The following ST18 variants were observed in gnomAD, a reference collection of about 807,000 sequenced individuals.
ST18 encodes the protein suppression of tumorigenicity 18 protein.
In ST18, 50 loss-of-function variants were observed where a neutral mutation model predicts 110.0. The observed-to-expected ratio is 0.45, with a 90% CI of 0.36 to 0.58. The LOEUF is 0.58. ST18 is among the 20% of genes least tolerant of loss of function. The pLI is 0.00. For synonymous variants in ST18, 461 were observed against 452.4 expected, an observed-to-expected ratio of 1.02 and a Z score of -0.24; for missense variants, 1,306 against 1,280.1, an observed-to-expected ratio of 1.02 and a Z score of -0.31.
Position 52,269,351 on chromosome 8 carries a change from C to A in ST18, c.-464-39274G>T, listed in dbSNP as rs1394754606. The stretch of plus-strand genomic sequence containing the variant: ...GACAGGTGTAACCGGATGCCCCATT[C>A]CAAGGGGTAAGACTAATGTAGTTCT... On this transcript the variant is annotated intron_variant, in intron 2 of 25. Transcript: ENST00000689386. Among the ~76,000 whole-genome samples, 6 of 152,292 alleles carry A rather than the reference C, an allele frequency of 3.9e-5. No individual in the cohort carries two copies. In the South Asian group the frequency reaches 1.2e-3, roughly 32 times the overall value.
chr8:52,120,826 G>T (rs987691649), intron 23 of ST18, among the ~76,000 whole-genome samples: 4 of 152,186 alleles, frequency 2.6e-5, no homozygotes, highest in African/African-American at 9.7e-5. Context: ...TGGAGTCCTG[G>T]CTGGGTGTAG....
rs60332637 is a variant in ST18 at position 52,385,597 on chromosome 8, CAA to C, written c.-465+23729_-465+23730del. Among the ~76,000 whole-genome samples, 1,091 of 116,716 alleles carry C rather than the reference CAA, an allele frequency of 9.3e-3. 8 individuals carry two copies. Among genetic ancestry groups the C allele is most frequent in the African/African-American group, 0.026 (834 of 31,508 alleles). The allele number at this position is 116,716 out of a possible 152,430, so 76.6% of individuals were successfully genotyped here. A position where few individuals can be genotyped will look rare whatever the true frequency, so the allele number is the denominator to read the frequency against. On this transcript the variant is annotated intron_variant, in intron 2 of 25. Transcript: ENST00000689386. The stretch of plus-strand genomic sequence containing the variant: ...CCTGGGCGACAGCAAGACTCCGACT[CAA>C]AAAAAAAAAAAAAAAGACATCACAG...
intron 2 of ST18, among the ~76,000 whole-genome samples, chr8:52,262,338 C>A (rs1362082617): frequency 6.6e-6 from 1 of 152,186 alleles, no homozygotes; most frequent in Non-Finnish European, 1.5e-5. Flanking sequence ...CACTGACACG[C>A]CTTTGAAGTT....
chr8:52,262,442 T>C (rs1229183729), intron 2 of ST18, among the ~76,000 whole-genome samples: 1 of 152,180 alleles, frequency 6.6e-6, no homozygotes, highest in Non-Finnish European at 1.5e-5. Flanking sequence ...CTGTAAGCTT[T>C]ATTCCCTTCT....
intron 8 of ST18, among the ~76,000 whole-genome samples, chr8:52,193,954 C>T (rs889598749): frequency 5.3e-5 from 8 of 152,182 alleles, no homozygotes; most frequent in African/African-American, 9.7e-5. Flanking sequence ...TAAGTTGTTG[C>T]TATTTATTGA....
chr8:52,161,219 G>A (rs186395495), intron 14 of ST18, among the ~76,000 whole-genome samples, 156 bp downstream of exon 14: 232 of 152,026 alleles, frequency 1.5e-3, no homozygotes, highest in Non-Finnish European at 2.7e-3. Flanking sequence ...ACTTATTATC[G>A]TTTTCTTTAT....
intron 19 of ST18, among the ~76,000 whole-genome samples, chr8:52,133,524 T>C (rs577225508): frequency 1.3e-5 from 2 of 152,028 alleles, no homozygotes; most frequent in Non-Finnish European, 2.9e-5. Context: ...TGGTTAATAA[T>C]CAATTTAAAT....
rs948090151 is a variant in ST18, at chr8:52,149,639, C to T, written c.2052+93G>A. 4 of 1,475,124 alleles carry T rather than the reference C, an allele frequency of 2.7e-6. No individual in the cohort carries two copies. The African/African-American group carries it at 5.6e-5, about 21-fold the overall frequency. 91.4% of individuals were successfully genotyped at this position (1,475,124 alleles called of 1,614,324 possible). On this transcript the variant is annotated intron_variant, in intron 16 of 25. Transcript: ENST00000689386. ...GGTACAGAATTATGTATTATCTAAA[C>T]AGGAATGTGAAATATAATTTAGGAG...
intron 23 of ST18, among the ~76,000 whole-genome samples, chr8:52,118,681 G>C (rs1014697026): frequency 6.6e-6 from 1 of 152,136 alleles, no homozygotes; most frequent in East Asian, 1.9e-4. Flanking sequence ...TTATGTCCCA[G>C]GGGTGCTGCC....
chr8:52,269,119 C>T (rs1016108131), intron 2 of ST18, among the ~76,000 whole-genome samples: 4 of 152,194 alleles, frequency 2.6e-5, no homozygotes, highest in African/African-American at 9.6e-5. Flanking sequence ...AACACTATCA[C>T]TAGATATTAC....
chr8:52,126,598 A>G (rs2047163173), intron 22 of ST18, among the ~76,000 whole-genome samples: 1 of 152,250 alleles, frequency 6.6e-6, no homozygotes, highest in Non-Finnish European at 1.5e-5. Context: ...CCTTTATAGA[A>G]TGACTCAAAT....
chr8:52,231,293 C>T (rs2091277711), intron 2 of ST18, among the ~76,000 whole-genome samples: 1 of 152,172 alleles, frequency 6.6e-6, no homozygotes, highest in Non-Finnish European at 1.5e-5. Flanking sequence ...AGCATCTCTT[C>T]CCTCCTTTTA....
intron 8 of ST18, among the ~76,000 whole-genome samples, chr8:52,211,293 T>C (rs2082063334): frequency 1.3e-5 from 2 of 151,956 alleles, no homozygotes; most frequent in Admixed American, 1.3e-4. Context: ...GTGACGAAAA[T>C]GCTTGAATCC....
At chr8:52,369,567 T>TA (rs2140576016) in intron 2 of ST18, among the ~76,000 whole-genome samples, 1 of 152,326 alleles carries the variant, frequency 6.6e-6, no homozygotes, top group South Asian at 2.1e-4. Flanking sequence ...TCTATCTTGT[T>TA]TAAGCCACTG....
chr8:52,137,379 C>G (rs1354059795), intron 18 of ST18, 42 bp downstream of exon 18: 3 of 1,605,884 alleles, frequency 1.9e-6, no homozygotes, highest in East Asian at 2.2e-5. Flanking sequence ...TAAAATAGAA[C>G]AAGACCATGA....
At chr8:52,385,010 T>C (rs1477042080) in intron 2 of ST18, among the ~76,000 whole-genome samples, 1 of 152,224 alleles carries the variant, frequency 6.6e-6, no homozygotes, top group Non-Finnish European at 1.5e-5. Flanking sequence ...TAATAGTACC[T>C]TACATTGACA....
chr8:52,136,892 T>C (rs751558799), intron 18 of ST18, among the ~76,000 whole-genome samples: 1 of 152,144 alleles, frequency 6.6e-6, no homozygotes, highest in African/African-American at 2.4e-5. Flanking sequence ...TTTAGCCCAA[T>C]GAGACCCCCC....
At chr8:52,261,153 A>G (rs919799840) in intron 2 of ST18, among the ~76,000 whole-genome samples, 1 of 152,214 alleles carries the variant, frequency 6.6e-6, no homozygotes, top group Admixed American at 6.5e-5. Flanking sequence ...GAGGGAAGAG[A>G]AAGAGAAAAC....
intron 2 of ST18, among the ~76,000 whole-genome samples, chr8:52,245,873 T>C (rs988046029): frequency 1.1e-4 from 16 of 152,260 alleles, no homozygotes; most frequent in African/African-American, 3.8e-4. Flanking sequence ...AATAAAACTT[T>C]AAAGGCATTG....
Sources: allele counts gnomAD v4.1 joint callset (sites outside exome capture counted in the v4.1 genomes callset), GRCh38; gene constraint gnomAD v4.1.1; transcripts MANE v1.5; gene names NCBI Gene and HGNC (gene_info 2026-07-23, HGNC 2026-07-21).